Variants in FRMD4B observed in about 807,000 individuals in gnomAD.
FRMD4B encodes the protein FERM domain-containing protein 4B.
A neutral mutation model predicts 141.5 loss-of-function variants in FRMD4B; 74 were observed. The observed-to-expected ratio is 0.52, with a 90% CI of 0.43 to 0.63. FRMD4B has a LOEUF of 0.63. FRMD4B is among the 30% of genes least tolerant of loss of function. FRMD4B has a pLI of 0.00. For missense variants in FRMD4B, 1,366 were observed against 1,253.4 expected (o/e 1.09, Z -1.36); for synonymous variants, 506 against 467.9 (o/e 1.08, Z -1.05).
intron 7 of FRMD4B, 112 bp from the exon 8 acceptor site, chr3:69,224,802 C>A: frequency 1.5e-6 from 1 of 654,410 alleles, no homozygotes; most frequent in Non-Finnish European, 2.8e-6. Flanking sequence ...ATGTTGGAGC[C>A]AACATACACA....
At chr3:69,387,072 A>G (rs1704275766), upstream of FRMD4B, among the ~76,000 whole-genome samples, 1 of 152,142 alleles carries the variant, frequency 6.6e-6, no homozygotes, top group South Asian at 2.1e-4. Flanking sequence ...TCGGGAATTG[A>G]TGCTGATTGT....
intron 11 of FRMD4B, among the ~76,000 whole-genome samples, chr3:69,212,733 G>T (rs1386993435): frequency 6.6e-6 from 1 of 152,118 alleles, no homozygotes; most frequent in Non-Finnish European, 1.5e-5. Context: ...ACATTCTGCT[G>T]GAAGCTCAAT....
chr3:69,387,618 A>T (rs1704291007), upstream of FRMD4B, among the ~76,000 whole-genome samples: 1 of 152,216 alleles, frequency 6.6e-6, no homozygotes, highest in African/African-American at 2.4e-5. Flanking sequence ...GAACTAGCCC[A>T]GAAGACTCCA....
At chr3:69,359,770 G>C (rs558527575) in intron 1 of FRMD4B, among the ~76,000 whole-genome samples, 1 of 152,282 alleles carries the variant, frequency 6.6e-6, no homozygotes, top group South Asian at 2.1e-4. Flanking sequence ...TTTACCATAA[G>C]GCACGTGCAG....
At chr3:69,380,771 G>A (rs1270125239) in intron 1 of FRMD4B, among the ~76,000 whole-genome samples, 1 of 152,178 alleles carries the variant, frequency 6.6e-6, no homozygotes, top group Non-Finnish European at 1.5e-5. Flanking sequence ...TCCTGTTGGA[G>A]GCAATGACTC....
intron 1 of FRMD4B, chr3:69,320,975 G>A (rs984251614): frequency 3.3e-5 from 5 of 152,256 alleles, no homozygotes; most frequent in African/African-American, 1.2e-4. Flanking sequence ...GAAAGACTTT[G>A]TCCATCTGGT....
At chr3:69,260,805 T>G (rs1022127045) in intron 5 of FRMD4B, among the ~76,000 whole-genome samples, 2 of 152,234 alleles carry the variant, frequency 1.3e-5, no homozygotes, top group African/African-American at 4.8e-5. Flanking sequence ...TAAAGGTTTG[T>G]AAATGCACCA....
At chr3:69,242,994 C>A (rs1458396147) in intron 7 of FRMD4B, among the ~76,000 whole-genome samples, 505 of 111,556 alleles carry the variant, frequency 4.5e-3, no homozygotes, top group Non-Finnish European at 4.8e-3. Flanking sequence ...AACTCTGTCT[C>A]AAAAAAAAAA....
intron 1 of FRMD4B, among the ~76,000 whole-genome samples, chr3:69,352,393 T>A (rs1432261235): frequency 6.6e-6 from 1 of 152,222 alleles, no homozygotes; most frequent in South Asian, 2.1e-4. Flanking sequence ...TGTTACATTA[T>A]AGCAAAAGGG....
chr3:69,451,038 A>T (rs920810020), intron 1 of FRMD4B, among the ~76,000 whole-genome samples: 6 of 152,170 alleles, frequency 3.9e-5, no homozygotes, highest in African/African-American at 7.2e-5. Flanking sequence ...CCTAATGATG[A>T]CTTCTAGCAG....
intron 9 of FRMD4B, among the ~76,000 whole-genome samples, chr3:69,220,059 G>C (rs1241164213): frequency 9.9e-5 from 15 of 152,130 alleles, no homozygotes; most frequent in Admixed American, 9.8e-4. Context: ...CTTAAGCATG[G>C]GAACTTTGTA....
At chr3:69,242,167 C>T (rs924877749) in intron 7 of FRMD4B, among the ~76,000 whole-genome samples, 4 of 152,088 alleles carry the variant, frequency 2.6e-5, no homozygotes, top group African/African-American at 9.7e-5. Context: ...GCAAACTACC[C>T]ACAGGTACAT....
chr3:69,459,360 GA>G (rs1559533884), intron 1 of FRMD4B, among the ~76,000 whole-genome samples: 1 of 151,922 alleles, frequency 6.6e-6, no homozygotes, highest in Non-Finnish European at 1.5e-5. Flanking sequence ...ACTCAGAAAG[GA>G]AAAAAATGAG....
At chr3:69,414,620 C>G (rs1704818169) in intron 2 of FRMD4B, among the ~76,000 whole-genome samples, 2 of 151,864 alleles carry the variant, frequency 1.3e-5, no homozygotes. Flanking sequence ...GTTTATTGCT[C>G]CAGGTGAGCA....
intron 8 of FRMD4B, among the ~76,000 whole-genome samples, chr3:69,223,646 C>G (rs542245606): frequency 1.9e-4 from 29 of 152,272 alleles, no homozygotes; most frequent in African/African-American, 6.5e-4. Flanking sequence ...TGAGACCAGC[C>G]TGATCAACAT....
chr3:69,451,042 C>G (rs2106887990), intron 1 of FRMD4B, among the ~76,000 whole-genome samples: 1 of 152,312 alleles, frequency 6.6e-6, no homozygotes. Flanking sequence ...ATGATGACTT[C>G]TAGCAGAGCT....
intron 2 of FRMD4B, among the ~76,000 whole-genome samples, chr3:69,423,261 G>T (rs140602950): frequency 4.6e-5 from 7 of 152,250 alleles, no homozygotes; most frequent in Admixed American, 1.3e-4. Flanking sequence ...TGATCCTCCC[G>T]CCTTGGCCTC....
chr3:69,377,531 A>C (rs532686178), intron 1 of FRMD4B, among the ~76,000 whole-genome samples: 1 of 152,228 alleles, frequency 6.6e-6, no homozygotes, highest in Non-Finnish European at 1.5e-5. Flanking sequence ...GCCCAAACTT[A>C]TTTCCCCAGC....
chr3:69,341,359 G>C (rs1324218747), intron 1 of FRMD4B, among the ~76,000 whole-genome samples: 3 of 152,148 alleles, frequency 2.0e-5, no homozygotes, highest in African/African-American at 7.2e-5. Flanking sequence ...ATTACTTTCA[G>C]GTCCCACTAG....
Sources: allele counts gnomAD v4.1 joint callset (sites outside exome capture counted in the v4.1 genomes callset), GRCh38; gene constraint gnomAD v4.1.1; transcripts MANE v1.5; gene names NCBI Gene and HGNC (gene_info 2026-07-23, HGNC 2026-07-21).